TCP11L2: variants seen among roughly 807,000 people sequenced by gnomAD.
TCP11L2 encodes the protein t-complex 11 like 2, also known as T-complex protein 11-like protein 2.
A neutral mutation model predicts 50.7 loss-of-function variants in TCP11L2; 39 were observed. That is an observed-to-expected ratio of 0.77 (90% CI 0.60 to 1.01). The LOEUF (loss-of-function observed/expected upper bound fraction) is 1.01, where lower values mean the gene tolerates loss of function less well. Ranked by LOEUF, TCP11L2 falls within the 50% of genes least tolerant of loss-of-function variation. The pLI, the probability that TCP11L2 is intolerant of heterozygous loss-of-function variation, is 0.00. For missense variants in TCP11L2, 612 were observed against 614.7 expected, an observed-to-expected ratio of 1.00 and a Z score of 0.05; for synonymous variants, 192 against 219.3, an observed-to-expected ratio of 0.88 and a Z score of 1.10.
intron 2 of TCP11L2, chr12:106,312,210 T>C (rs2034880919): frequency 2.5e-6 from 1 of 403,754 alleles, no homozygotes; most frequent in Non-Finnish European, 4.8e-6. Flanking sequence ...ACCAAGTGAA[T>C]GTACGGTAAA....
chr12:106,300,367 T>C (rs772391485), upstream of TCP11L2, among the ~76,000 whole-genome samples: 4 of 152,216 alleles, frequency 2.6e-5, no homozygotes, highest in Non-Finnish European at 4.4e-5. Context: ...TCTCGCTCTG[T>C]CGCCCAGGCC....
rs145430292 is a variant in TCP11L2 at position 106,333,645 on chromosome 12, A to G, written c.773-1994A>G. ...ATGAATTTATTATGTCTGTAAATATAAACATATTTATATATGTGAAAAAAA... is the reference window on the plus strand; with the variant it reads ...ATGAATTTATTATGTCTGTAAATATGAACATATTTATATATGTGAAAAAAA... On this transcript the variant is annotated intron_variant, in intron 6 of 9. Coordinates refer to ENST00000299045, the MANE Select transcript of TCP11L2 (RefSeq NM_152772.3). 3.2e-3 allele frequency among the ~76,000 whole-genome samples: 489 copies of G among 152,320 alleles called. 4 individuals carry two copies. Among genetic ancestry groups the G allele is most frequent in the African/African-American group, 0.011 (466 of 41,576 alleles).
chr12:106,327,738 T>C (rs1359844503), intron 6 of TCP11L2, among the ~76,000 whole-genome samples: 1 of 152,228 alleles, frequency 6.6e-6, no homozygotes, highest in Non-Finnish European at 1.5e-5. Flanking sequence ...GATTTCTGTG[T>C]ACACATGATT....
chr12:106,316,820 C>T (rs2136670549), intron 3 of TCP11L2, among the ~76,000 whole-genome samples: 1 of 152,266 alleles, frequency 6.6e-6, no homozygotes, highest in East Asian at 1.9e-4. Flanking sequence ...GTTTAATAAA[C>T]ATTTATTGAC....
chr12:106,341,365 C>G (rs1411207884), intron 9 of TCP11L2, among the ~76,000 whole-genome samples: 1 of 152,168 alleles, frequency 6.6e-6, no homozygotes, highest in African/African-American at 2.4e-5. Context: ...GGAACTTGGT[C>G]AGGCTTAAAG....
upstream of TCP11L2, among the ~76,000 whole-genome samples, chr12:106,302,394 TCAGCCCCCGCTCAGC>T (rs1565832111): frequency 6.5e-5 from 4 of 61,960 alleles, 1 homozygote; most frequent in Admixed American, 1.7e-4. Flanking sequence ...CAGCCCCCGC[TCAGCCCCCGCTCAGC>T]CCCCGCTCCC....
chr12:106,317,242 G>A (rs973870292), intron 3 of TCP11L2, among the ~76,000 whole-genome samples: 1 of 152,238 alleles, frequency 6.6e-6, no homozygotes, highest in Non-Finnish European at 1.5e-5. Context: ...TTAGCCGGGC[G>A]CAGTGGCTCA....
chr12:106,311,312 C>G (rs1455505980), intron 2 of TCP11L2, 80 bp downstream of exon 2: 19 of 1,500,004 alleles, frequency 1.3e-5, no homozygotes, highest in Non-Finnish European at 1.7e-5. Flanking sequence ...TCAGAAACGC[C>G]TGAGAGCAAC....
rs1286055561 is a variant in TCP11L2 at position 106,329,869 on chromosome 12, AAAC to A, written c.773-5765_773-5763del. Reference sequence around the variant, plus strand: ...TTATAAAACAGAACTAGCAAACCAAAAACAACATTTGCCAACTGAGGAGAAACA... The same window carrying A: ...TTATAAAACAGAACTAGCAAACCAAAAACATTTGCCAACTGAGGAGAAACA... On this transcript the variant is annotated intron_variant, in intron 6 of 9. Coordinates refer to ENST00000299045, the MANE Select transcript of TCP11L2 (RefSeq NM_152772.3). 2.8e-5 allele frequency: 28 copies of A among 985,820 alleles called. No individual in the cohort carries two copies. In the East Asian group the frequency reaches 2.5e-3, roughly 88 times the overall value. The allele number at this position is 985,820 out of a possible 1,614,324, so 61.1% of individuals were successfully genotyped here.
chr12:106,320,918 A>T (rs894222410), intron 4 of TCP11L2, among the ~76,000 whole-genome samples: 1 of 152,190 alleles, frequency 6.6e-6, no homozygotes, highest in Non-Finnish European at 1.5e-5. Flanking sequence ...ACCTACCACC[A>T]TGGCAGCTGT....
intron 4 of TCP11L2, among the ~76,000 whole-genome samples, chr12:106,320,390 C>CGAG (rs1282469357): frequency 6.6e-6 from 1 of 151,512 alleles, no homozygotes; most frequent in East Asian, 1.9e-4. Context: ...GAGCGAGACT[C>CGAG]CATCTCAAAA....
At chr12:106,335,297 A>G (rs2035877302) in intron 6 of TCP11L2, among the ~76,000 whole-genome samples, 1 of 151,944 alleles carries the variant, frequency 6.6e-6, no homozygotes, top group Admixed American at 6.6e-5. Context: ...CAACCCTCTT[A>G]CCCCTAGTTC....
chr12:106,314,576 T>TGTGTGTGA (rs1469308055), intron 3 of TCP11L2, 83 bp downstream of exon 3: 4 of 282,658 alleles, frequency 1.4e-5, no homozygotes, highest in East Asian at 1.6e-4. Context: ...TGTGTGTGTG[T>TGTGTGTGA]GAGAGAGAGA....
chr12:106,304,874 A>G (rs926122489), intron 1 of TCP11L2, among the ~76,000 whole-genome samples: 2 of 152,150 alleles, frequency 1.3e-5, no homozygotes, highest in African/African-American at 4.8e-5. Context: ...ATTTTCTGTC[A>G]CTGTAGCGGG....
intron 4 of TCP11L2, among the ~76,000 whole-genome samples, chr12:106,319,157 C>T (rs1008115429): frequency 1.3e-5 from 2 of 152,028 alleles, no homozygotes; most frequent in African/African-American, 4.8e-5. Context: ...ATGATTCGCC[C>T]ACCTTGGCCT....
At chr12:106,304,386 G>C (rs2034545247) in intron 1 of TCP11L2, 1 of 152,316 alleles carries the variant, frequency 6.6e-6, no homozygotes, top group African/African-American at 2.4e-5. Flanking sequence ...CTAGCTCTTT[G>C]TTGGTTCTAA....
intron 4 of TCP11L2, among the ~76,000 whole-genome samples, chr12:106,319,781 G>T (rs919631288): frequency 4.6e-5 from 7 of 152,310 alleles, no homozygotes; most frequent in African/African-American, 1.7e-4. Context: ...AACTTTGTGG[G>T]GTAGAGAGGG....
chr12:106,306,700 G>A (rs1233930982), intron 1 of TCP11L2, among the ~76,000 whole-genome samples: 1 of 151,978 alleles, frequency 6.6e-6, no homozygotes, highest in Non-Finnish European at 1.5e-5. Context: ...GTTGACATCC[G>A]TCAGGCACTT....
At chr12:106,299,700 G>A (rs1285613386), upstream of TCP11L2, among the ~76,000 whole-genome samples, 3 of 152,144 alleles carry the variant, frequency 2.0e-5, no homozygotes, top group Non-Finnish European at 4.4e-5. Context: ...GAGAGAAATA[G>A]GGGACAAGAT....
Sources: allele counts gnomAD v4.1 joint callset (sites outside exome capture counted in the v4.1 genomes callset), GRCh38; gene constraint gnomAD v4.1.1; transcripts MANE v1.5; gene names NCBI Gene and HGNC (gene_info 2026-07-23, HGNC 2026-07-21).